Variants in GSG1L observed in about 807,000 individuals in gnomAD.
GSG1L encodes the protein germ cell-specific gene 1-like protein.
GSG1L carries 24 observed loss-of-function variants against 42.1 expected under a neutral mutation model. The observed-to-expected ratio is 0.57, with a 90% CI of 0.41 to 0.80. GSG1L has a LOEUF of 0.80. Ranked by LOEUF, GSG1L falls within the 30% of genes least tolerant of loss-of-function variation. The pLI is 0.00. For synonymous variants in GSG1L, 215 were observed against 203.5 expected (o/e 1.06, Z -0.48); for missense variants, 445 against 472.2 (o/e 0.94, Z 0.53).
intron 2 of GSG1L, among the ~76,000 whole-genome samples, chr16:27,944,690 T>C (rs992320075): frequency 2.6e-5 from 4 of 151,668 alleles, no homozygotes; most frequent in Non-Finnish European, 5.9e-5. Flanking sequence ...TTGCAAACAT[T>C]ATGCTAAAGA....
chr16:27,840,671 C>T (rs1224184109), intron 4 of GSG1L, among the ~76,000 whole-genome samples: 1 of 152,178 alleles, frequency 6.6e-6, no homozygotes. Flanking sequence ...TGAAGCTGGC[C>T]CTGTCACTTG....
At chr16:27,838,861 TC>T in intron 4 of GSG1L, among the ~76,000 whole-genome samples, 1 of 152,180 alleles carries the variant, frequency 6.6e-6, no homozygotes, top group East Asian at 1.9e-4. Flanking sequence ...GGCAGCCACA[TC>T]CCTTTCCCCA....
chr16:27,829,372 A>G (rs1022741902), intron 4 of GSG1L, among the ~76,000 whole-genome samples: 8 of 152,146 alleles, frequency 5.3e-5, no homozygotes, highest in Non-Finnish European at 1.0e-4. Context: ...ATGTTCTACA[A>G]ACTGTGGGAG....
chr16:27,951,242 C>T (rs770383825), intron 2 of GSG1L, among the ~76,000 whole-genome samples: 1 of 152,160 alleles, frequency 6.6e-6, no homozygotes, highest in South Asian at 2.1e-4. Context: ...TAGAGCTCCA[C>T]GATGGAGCAG....
At chr16:27,998,648 A>G (rs901625499) in intron 1 of GSG1L, among the ~76,000 whole-genome samples, 4 of 152,122 alleles carry the variant, frequency 2.6e-5, no homozygotes, top group African/African-American at 9.7e-5. Flanking sequence ...TTAGCTGGGC[A>G]TGGTGGCATG....
intron 1 of GSG1L, among the ~76,000 whole-genome samples, chr16:27,973,205 T>C (rs1266210106): frequency 6.6e-6 from 1 of 151,964 alleles, no homozygotes; most frequent in African/African-American, 2.4e-5. Context: ...ATCCCAGCAC[T>C]TTGGGAAGCT....
chr16:28,043,490 A>G (rs1406895727), intron 1 of GSG1L, among the ~76,000 whole-genome samples: 1 of 152,270 alleles, frequency 6.6e-6, no homozygotes, highest in African/African-American at 2.4e-5. Flanking sequence ...AACGAGAGAC[A>G]TAGAGGTCAG....
chr16:27,958,922 G>A (rs758137093), intron 2 of GSG1L, among the ~76,000 whole-genome samples: 26 of 152,072 alleles, frequency 1.7e-4, no homozygotes, highest in Non-Finnish European at 2.4e-4. Flanking sequence ...TGATCTGCCC[G>A]CCTTGTACTC....
At chr16:27,967,286 T>C (rs1384591286) in intron 1 of GSG1L, among the ~76,000 whole-genome samples, 1 of 152,112 alleles carries the variant, frequency 6.6e-6, no homozygotes, top group South Asian at 2.1e-4. Context: ...GAGGCAGCGG[T>C]GGGAGATGAG....
chr16:27,872,374 C>T (rs1387409784), intron 3 of GSG1L, among the ~76,000 whole-genome samples: 3 of 152,192 alleles, frequency 2.0e-5, no homozygotes, highest in African/African-American at 7.2e-5. Flanking sequence ...TAGCAAAGCC[C>T]ATGAGCCTTG....
At chr16:27,801,490 G>C (rs755521192) in intron 6 of GSG1L, among the ~76,000 whole-genome samples, 16 of 152,192 alleles carry the variant, frequency 1.1e-4, no homozygotes, top group Admixed American at 2.0e-4. Flanking sequence ...CCCATCGCAG[G>C]ATCTGAGCAG....
chr16:28,036,158 T>G (rs1214764175), intron 1 of GSG1L, among the ~76,000 whole-genome samples: 1 of 152,078 alleles, frequency 6.6e-6, no homozygotes, highest in Non-Finnish European at 1.5e-5. Context: ...ACAAAATGGT[T>G]TAAAGATTCT....
rs143230577 is a variant in GSG1L at position 28,001,358 on chromosome 16, C to G, written c.350-38155G>C. Among the ~76,000 whole-genome samples the G allele has an allele frequency of 4.1e-3, 630 of 152,322 alleles. 6 individuals are homozygous for G. Among genetic ancestry groups the G allele is most frequent in the East Asian group, 0.031 (161 of 5,178 alleles). ...GTGACGTCTGTGTGCTTGACAACAG[C>G]GTGTGCCCACGTGGAAGTGTATGCG... On this transcript the variant is annotated intron_variant, in intron 1 of 6. Transcript: ENST00000447459.
intron 3 of GSG1L, among the ~76,000 whole-genome samples, chr16:27,868,554 C>G (rs2083760920): frequency 6.6e-6 from 1 of 151,862 alleles, no homozygotes; most frequent in Non-Finnish European, 1.5e-5. Flanking sequence ...AACTGGCACC[C>G]CATGGGCTGA....
chr16:28,024,036 TAAAGA>T (rs1478541219), intron 1 of GSG1L, among the ~76,000 whole-genome samples: 1 of 151,698 alleles, frequency 6.6e-6, no homozygotes, highest in Non-Finnish European at 1.5e-5. Context: ...TCTCAAAAAA[TAAAGA>T]AAAGAAAAAA....
intron 6 of GSG1L, 150 bp from the exon 7 acceptor site, chr16:27,791,617 A>G (rs113140513): frequency 1.8e-4 from 82 of 468,536 alleles, no homozygotes; most frequent in African/African-American, 1.3e-3. Context: ...TCCATGCCCA[A>G]CACCACCAGC....
At chr16:27,801,498 C>T (rs1238995065) in intron 6 of GSG1L, among the ~76,000 whole-genome samples, 1 of 152,204 alleles carries the variant, frequency 6.6e-6, no homozygotes, top group Non-Finnish European at 1.5e-5. Flanking sequence ...AGGATCTGAG[C>T]AGCTGCTCCC....
In GSG1L at chr16:27,891,010, C is replaced by T. The variant is rs538901236; in HGVS notation, c.398-6372G>A. On this transcript the variant is annotated intron_variant, in intron 2 of 6. Transcript: ENST00000447459. ...TCCACCTGCTGGCGCCTGTGTCTCTCTGCTTGGGGGCTTGCCCTGGCCACC... is the reference window on the plus strand; with the variant it reads ...TCCACCTGCTGGCGCCTGTGTCTCTTTGCTTGGGGGCTTGCCCTGGCCACC... Among the ~76,000 whole-genome samples, 3 of 152,306 alleles carry T rather than the reference C, an allele frequency of 2.0e-5. No individual in the cohort carries two copies. In the South Asian group the frequency reaches 6.2e-4, roughly 32 times the overall value.
chr16:27,910,431 T>G (rs1469804617), intron 2 of GSG1L, among the ~76,000 whole-genome samples: 2 of 152,232 alleles, frequency 1.3e-5, no homozygotes, highest in Non-Finnish European at 2.9e-5. Context: ...AAAACCTCTG[T>G]GAGGTAGGTA....
Sources: gnomAD v4.1 joint callset for allele counts (sites outside exome capture counted in the v4.1 genomes callset) on GRCh38, gnomAD v4.1.1 for gene constraint, MANE v1.5 for transcripts, NCBI Gene and HGNC (gene_info 2026-07-23, HGNC 2026-07-21) for gene names.